The following DGCR2 variants were observed in gnomAD, a reference collection of about 807,000 sequenced individuals.
DGCR2 encodes the protein DiGeorge syndrome critical region gene 2, also known as integral membrane protein DGCR2/IDD.
In DGCR2, 24 loss-of-function variants were observed where a neutral mutation model predicts 51.6. The observed-to-expected ratio is 0.47, with a 90% CI of 0.34 to 0.65. DGCR2 has a LOEUF of 0.65. DGCR2 is among the 30% of genes least tolerant of loss of function. The probability of loss-of-function intolerance (pLI) is 0.01; values close to 1 mark genes in which losing one functional copy is unlikely to be tolerated. For synonymous variants in DGCR2, 340 were observed against 315.4 expected (o/e 1.08, Z -0.82); for missense variants, 765 against 772.1 (o/e 0.99, Z 0.11).
chr22:19,064,460 A>C (rs2082724830), intron 4 of DGCR2, among the ~76,000 whole-genome samples: 1 of 152,016 alleles, frequency 6.6e-6, no homozygotes, highest in Admixed American at 6.6e-5. Context: ...TCTTGGGGGG[A>C]ACCCCCACCT....
chr22:19,101,927 C>T (rs2083206924), intron 1 of DGCR2, among the ~76,000 whole-genome samples: 2 of 151,572 alleles, frequency 1.3e-5, no homozygotes, highest in South Asian at 2.1e-4. Flanking sequence ...TGGTGGCACA[C>T]GCCTGTAATC....
intron 2 of DGCR2, among the ~76,000 whole-genome samples, chr22:19,081,952 T>C (rs775485900): frequency 6.6e-6 from 1 of 152,232 alleles, no homozygotes; most frequent in Non-Finnish European, 1.5e-5. Context: ...GTTCTTTATA[T>C]ACACTGAATT....
chr22:19,075,802 A>G (rs1283643732), intron 2 of DGCR2, among the ~76,000 whole-genome samples: 1 of 152,222 alleles, frequency 6.6e-6, no homozygotes, highest in Non-Finnish European at 1.5e-5. Context: ...GGATGGATAG[A>G]CTACCTTGTT....
chr22:19,111,135 C>CGAAA (rs2083309925), intron 1 of DGCR2, among the ~76,000 whole-genome samples: 1 of 152,194 alleles, frequency 6.6e-6, no homozygotes, highest in South Asian at 2.1e-4. Context: ...AGGTGACACT[C>CGAAA]TAATAAGCCT....
intron 1 of DGCR2, among the ~76,000 whole-genome samples, chr22:19,115,058 C>T (rs748617365): frequency 6.6e-6 from 1 of 152,180 alleles, no homozygotes; most frequent in Non-Finnish European, 1.5e-5. Flanking sequence ...GTGACTGAAG[C>T]AACAGCTACC....
Position 19,057,210 on chromosome 22 carries a change from C to A in DGCR2, c.626-48G>T, listed in dbSNP as rs374972509. The A allele has an allele frequency of 3.9e-6, 6 of 1,531,826 alleles. No homozygotes were observed. The highest frequency in any genetic ancestry group is 4.7e-5 in the East Asian group (2 of 42,478). 94.9% of individuals were successfully genotyped at this position (1,531,826 alleles called of 1,614,324 possible). On this transcript the variant is annotated intron_variant, in intron 5 of 9. Transcript: ENST00000263196. The surrounding 1 kb of genome is among the most constrained non-coding windows in gnomAD (Gnocchi z 5.1). ...GGCTGGACAACATCACATCAGAGGA[C>A]AAGCTGTGCAGTCCTCAAGGGGACC...
At chr22:19,065,261 A>T in intron 3 of DGCR2, 194 bp from the exon 4 acceptor site, 1 of 591,342 alleles carries the variant, frequency 1.7e-6, no homozygotes, top group Non-Finnish European at 3.0e-6. Flanking sequence ...CACAGATTCA[A>T]TGATACAAGT....
intron 5 of DGCR2, chr22:19,061,532 G>C (rs2082663254): frequency 6.6e-6 from 1 of 152,168 alleles, no homozygotes; most frequent in Admixed American, 6.5e-5. Context: ...TTGTCCTGTG[G>C]AAGATTTTAT....
At chr22:19,084,464 T>C (rs2082984165) in intron 2 of DGCR2, among the ~76,000 whole-genome samples, 1 of 140,900 alleles carries the variant, frequency 7.1e-6, no homozygotes, top group African/African-American at 2.7e-5. Context: ...GTCTGAGAAG[T>C]GAGGGGCCCC....
intron 5 of DGCR2, among the ~76,000 whole-genome samples, chr22:19,062,134 C>G (rs1236707480): frequency 3.3e-5 from 5 of 152,216 alleles, no homozygotes; most frequent in Non-Finnish European, 7.3e-5. Flanking sequence ...GCCTGGAAAC[C>G]CAGAAGCCAT....
chr22:19,079,931 G>C (rs896218792), intron 2 of DGCR2, among the ~76,000 whole-genome samples: 1 of 152,254 alleles, frequency 6.6e-6, no homozygotes, highest in Non-Finnish European at 1.5e-5. Flanking sequence ...TTCATCATAA[G>C]AGGAAGGTGA....
chr22:19,096,237 A>C (rs2083138223), intron 1 of DGCR2, among the ~76,000 whole-genome samples: 1 of 152,226 alleles, frequency 6.6e-6, no homozygotes, highest in East Asian at 1.9e-4. Flanking sequence ...TAAGTGAAAT[A>C]AGCCAGGCAC....
At chr22:19,094,158 C>T (rs549271746) in intron 1 of DGCR2, among the ~76,000 whole-genome samples, 6 of 152,312 alleles carry the variant, frequency 3.9e-5, no homozygotes, top group East Asian at 1.9e-4. Context: ...TGGGGCACGG[C>T]GGCCCATGCC....
chr22:19,042,592 G>A (rs1569036044), intron 7 of DGCR2, among the ~76,000 whole-genome samples: 1 of 152,200 alleles, frequency 6.6e-6, no homozygotes, highest in Non-Finnish European at 1.5e-5. Context: ...GGCTCGGGCG[G>A]CTGCCGTAGG....
rs1266928293 is a variant in DGCR2, at chr22:19,122,167, A to G, written c.40T>C (p.Phe14Leu). ...KADSGAFLLL[F>L]LLVLTVTEPL... The stretch of plus-strand genomic sequence containing the variant: ...TCGGTGACAGTGAGCACGAGCAGGA[A>G]GAGCAGCAGGAAGGCGCCGCTGTCT... The change falls in exon 1 of 10, where the codon TTC becomes CTC. Residue 14 changes from phenylalanine to leucine, a missense_variant. Phe to Leu is a conservative substitution (Grantham distance 22). This residue lies in a region of DGCR2 where 370 missense variants were observed against 325.5 expected (regional missense o/e 1.14). Coordinates refer to ENST00000263196, the MANE Select transcript of DGCR2 (RefSeq NM_005137.3). 1.3e-6 allele frequency: 2 copies of G among 1,513,018 alleles called. No homozygotes were observed. The highest frequency in any genetic ancestry group is 4.3e-5 in the Admixed American group (2 of 46,902). 93.7% of individuals were successfully genotyped at this position (1,513,018 alleles called of 1,614,324 possible).
intron 1 of DGCR2, among the ~76,000 whole-genome samples, chr22:19,115,918 G>C (rs2083368528): frequency 6.6e-6 from 1 of 152,210 alleles, no homozygotes; most frequent in Non-Finnish European, 1.5e-5. Context: ...TCAGTTCAGG[G>C]TTCCTGAACT....
chr22:19,110,673 G>T (rs751150678), intron 1 of DGCR2, among the ~76,000 whole-genome samples: 22 of 151,608 alleles, frequency 1.5e-4, no homozygotes, highest in Non-Finnish European at 2.8e-4. Flanking sequence ...GAAAGACAAG[G>T]AGTAGATGGA....
intron 7 of DGCR2, chr22:19,045,277 T>A (rs1469933777): frequency 7.9e-5 from 12 of 152,246 alleles, no homozygotes; most frequent in Admixed American, 7.9e-4. Flanking sequence ...AGGTAGTGAG[T>A]CATCTCGATT....
chr22:19,045,894 T>A (rs55679525), intron 7 of DGCR2, among the ~76,000 whole-genome samples: 24,361 of 152,116 alleles, frequency 0.16, 2,194 homozygotes, highest in South Asian at 0.29. Flanking sequence ...ACCCAACTAA[T>A]TTTTTGTATT....
Sources: allele counts gnomAD v4.1 joint callset (sites outside exome capture counted in the v4.1 genomes callset), GRCh38; gene constraint gnomAD v4.1.1; regional missense constraint gnomAD v4.1.1; non-coding constraint Gnocchi (gnomAD v3.1); transcripts MANE v1.5; gene names NCBI Gene and HGNC (gene_info 2026-07-23, HGNC 2026-07-21).